PLEKHF2: variants seen among roughly 807,000 people sequenced by gnomAD.
PLEKHF2 encodes the protein pleckstrin homology and FYVE domain containing 2.
A neutral mutation model predicts 14.7 loss-of-function variants in PLEKHF2; 4 were observed. The ratio of observed to expected loss-of-function variants is 0.27; its 90% CI spans 0.13 to 0.62. The LOEUF (loss-of-function observed/expected upper bound fraction) is 0.62, where lower values mean the gene tolerates loss of function less well. PLEKHF2 is among the 20% of genes least tolerant of loss of function. The probability of loss-of-function intolerance (pLI) is 0.85; values close to 1 mark genes in which losing one functional copy is unlikely to be tolerated. For synonymous variants in PLEKHF2, 90 were observed against 103.5 expected (o/e 0.87, Z 0.79); for missense variants, 201 against 307.7 (o/e 0.65, Z 2.60).
chr8:95,148,577 A>G (rs1311397591), intron 1 of PLEKHF2, among the ~76,000 whole-genome samples: 1 of 152,098 alleles, frequency 6.6e-6, no homozygotes, highest in Non-Finnish European at 1.5e-5. Context: ...AGTGACATCA[A>G]TCAGTAGATT....
chr8:95,137,567 C>T (rs1330169543), intron 1 of PLEKHF2, among the ~76,000 whole-genome samples: 2 of 152,230 alleles, frequency 1.3e-5, no homozygotes, highest in African/African-American at 4.8e-5. Flanking sequence ...AATTTCCCAT[C>T]TCCTTTCTTA....
At position 95,136,331 on chromosome 8, in the gene PLEKHF2, TATACACAC is replaced by T. The variant is rs1280914521; in HGVS notation, c.-15+2303_-15+2310del. 1.0e-3 allele frequency among the ~76,000 whole-genome samples: 108 copies of T among 107,828 alleles called. 1 individual carries two copies. Among genetic ancestry groups the T allele is most frequent in the African/African-American group, 2.8e-3 (71 of 24,974 alleles). 70.7% of individuals were successfully genotyped at this position (107,828 alleles called of 152,430 possible). On this transcript the variant is annotated intron_variant, in intron 1 of 1. Transcript: ENST00000315367. ...AATCCACAGATTGGTTTTTATTATA[TATACACAC>T]ACACACACACACACACACACACACA...
chr8:95,139,829 T>C (rs1810421540), intron 1 of PLEKHF2, among the ~76,000 whole-genome samples: 3 of 150,690 alleles, frequency 2.0e-5, no homozygotes, highest in Non-Finnish European at 4.4e-5. Context: ...TTTTTTCCCA[T>C]GTGTCCCACT....
intron 1 of PLEKHF2, among the ~76,000 whole-genome samples, chr8:95,153,524 G>A (rs1810583292): frequency 1.3e-5 from 2 of 152,132 alleles, no homozygotes; most frequent in Admixed American, 1.3e-4. Context: ...AGATTGATTT[G>A]GGGGCAAGAT....
intron 1 of PLEKHF2, among the ~76,000 whole-genome samples, chr8:95,150,319 T>C (rs1238047127): frequency 6.6e-6 from 1 of 152,162 alleles, no homozygotes; most frequent in East Asian, 1.9e-4. Flanking sequence ...AAGAGGCTGC[T>C]TAAGGCCAAA....
intron 1 of PLEKHF2, among the ~76,000 whole-genome samples, chr8:95,148,910 G>C (rs1213394324): frequency 6.6e-6 from 1 of 152,056 alleles, no homozygotes; most frequent in Non-Finnish European, 1.5e-5. Flanking sequence ...AAGCTTAGGA[G>C]TGGTGGAAGA....
At chr8:95,148,241 C>T (rs79389639) in intron 1 of PLEKHF2, among the ~76,000 whole-genome samples, 1,992 of 151,730 alleles carry the variant, frequency 0.013, 40 homozygotes, top group African/African-American at 0.046. Context: ...TTTGTAAATT[C>T]GTCATAAAAT....
In PLEKHF2 at chr8:95,154,100, A is replaced by G; in HGVS notation, c.56A>G (p.Glu19Gly). The G allele has an allele frequency of 6.2e-7, 1 of 1,613,692 alleles. No individual in the cohort carries two copies. Among genetic ancestry groups the G allele is most frequent in the Non-Finnish European group, 8.5e-7 (1 of 1,179,782 alleles). Residue 19 changes from glutamate to glycine, a missense_variant, in exon 2 of 2, where the codon GAA becomes GGA. Glu to Gly is a moderately conservative substitution (Grantham distance 98). Transcript: ENST00000315367. This position sits in a 1 kb window ranked among gnomAD's most constrained non-coding sequence, Gnocchi z 5.6. ...AATACTAGACGTATAAGTATAGTGG[A>G]AAACTGTTTTGGAGCAGCTGGTCAA... ...EANTRRISIV[E>G]NCFGAAGQPL...
intron 1 of PLEKHF2, among the ~76,000 whole-genome samples, chr8:95,150,966 T>A (rs563595074): frequency 6.6e-6 from 1 of 152,284 alleles, no homozygotes; most frequent in East Asian, 1.9e-4. Context: ...ATAGTGCATG[T>A]ATCATAAGGT....
At chr8:95,143,201 G>A (rs914801246) in intron 1 of PLEKHF2, among the ~76,000 whole-genome samples, 8 of 151,360 alleles carry the variant, frequency 5.3e-5, no homozygotes, top group Admixed American at 6.6e-5. Context: ...CTGGGTTCGC[G>A]CCATTCTCCT....
chr8:95,145,256 C>T (rs1810484489), intron 1 of PLEKHF2, among the ~76,000 whole-genome samples: 1 of 151,990 alleles, frequency 6.6e-6, no homozygotes, highest in African/African-American at 2.4e-5. Context: ...TTTTGTCTTA[C>T]CAAAGAAGTG....
At chr8:95,139,507 GTCAA>G (rs1810417105) in intron 1 of PLEKHF2, among the ~76,000 whole-genome samples, 1 of 152,064 alleles carries the variant, frequency 6.6e-6, no homozygotes, top group Admixed American at 6.5e-5. Context: ...ACCCTGTCCT[GTCAA>G]TCAATCAATA....
intron 1 of PLEKHF2, among the ~76,000 whole-genome samples, chr8:95,136,435 G>T (rs1384125032): frequency 6.6e-6 from 1 of 151,880 alleles, no homozygotes; most frequent in Non-Finnish European, 1.5e-5. Context: ...TCGCCTGGGG[G>T]TACAGAACTT....
At chr8:95,149,067 T>G (rs2132109727) in intron 1 of PLEKHF2, among the ~76,000 whole-genome samples, 1 of 152,188 alleles carries the variant, frequency 6.6e-6, no homozygotes, top group East Asian at 1.9e-4. Context: ...CACTCATAGA[T>G]TAATAACCTC....
chr8:95,143,414 T>C (rs1810458591), intron 1 of PLEKHF2, among the ~76,000 whole-genome samples: 1 of 152,188 alleles, frequency 6.6e-6, no homozygotes, highest in African/African-American at 2.4e-5. Flanking sequence ...ATAATCTTTT[T>C]TTAAGGAACC....
chr8:95,139,689 G>A (rs1010623910), intron 1 of PLEKHF2, among the ~76,000 whole-genome samples: 1 of 151,980 alleles, frequency 6.6e-6, no homozygotes, highest in Non-Finnish European at 1.5e-5. Context: ...AATGCCAGAG[G>A]GAAAACTTTT....
At chr8:95,150,273 C>G (rs1440534258) in intron 1 of PLEKHF2, among the ~76,000 whole-genome samples, 1 of 151,974 alleles carries the variant, frequency 6.6e-6, no homozygotes, top group Non-Finnish European at 1.5e-5. Context: ...ATGTCTGACA[C>G]ATACAGAAAA....
intron 1 of PLEKHF2, among the ~76,000 whole-genome samples, chr8:95,136,373 C>CACACACAT (rs10534400): frequency 1.6e-3 from 234 of 145,242 alleles, no homozygotes; most frequent in African/African-American, 5.8e-3. Context: ...CACACACACA[C>CACACACAT]ATGTTTTGTT....
rs1450411213 is a variant in PLEKHF2, at chr8:95,134,040, GC to G, written c.-15+13del. The G allele has an allele frequency of 6.6e-6, 1 of 152,056 alleles. No individual in the cohort carries two copies. Among genetic ancestry groups the G allele is most frequent in the Non-Finnish European group, 1.5e-5 (1 of 67,998 alleles). 9.4% of individuals were successfully genotyped at this position (152,056 alleles called of 1,614,324 possible). A position where few individuals can be genotyped will look rare whatever the true frequency, so the allele number is the denominator to read the frequency against. On this transcript the variant is annotated intron_variant, in intron 1 of 1. Coordinates refer to ENST00000315367, the MANE Select transcript of PLEKHF2 (RefSeq NM_024613.4). ...GCCCGCGGCCGTCGGGGTAGGTGAA[GC>G]CCGGGTGGGTGGTCCGCCGGCTCCT...
Sources: gnomAD v4.1 joint callset for allele counts (sites outside exome capture counted in the v4.1 genomes callset) on GRCh38, gnomAD v4.1.1 for gene constraint, Gnocchi (gnomAD v3.1) non-coding constraint, MANE v1.5 for transcripts, NCBI Gene and HGNC (gene_info 2026-07-23, HGNC 2026-07-21) for gene names.